TOX3: variants seen among roughly 807,000 people sequenced by gnomAD.
The protein encoded by TOX3 is TOX high mobility group box family member 3.
A neutral mutation model predicts 64.3 loss-of-function variants in TOX3; 22 were observed. The observed-to-expected ratio is 0.34, with a 90% CI of 0.24 to 0.49. TOX3 has a LOEUF of 0.49. TOX3 is among the 20% of genes least tolerant of loss of function. The pLI, the probability that TOX3 is intolerant of heterozygous loss-of-function variation, is 0.99. For missense variants in TOX3, 661 were observed against 714.4 expected (o/e 0.93, Z 0.85); for synonymous variants, 291 against 273.6 (o/e 1.06, Z -0.63).
chr16:52,447,143 T>C (rs565650992), intron 4 of TOX3, among the ~76,000 whole-genome samples: 12 of 152,184 alleles, frequency 7.9e-5, no homozygotes, highest in Non-Finnish European at 1.8e-4. Context: ...AGTTCACTGA[T>C]CATTTAACAT....
Position 52,446,010 on chromosome 16 carries a change from C to T in TOX3, c.890G>A (p.Gly297Glu). The change falls in exon 5 of 7, where the codon GGA becomes GAA. Residue 297 changes from glycine to glutamate, a missense_variant. By Grantham distance (98) the Gly-to-Glu change is moderately conservative. Around this residue, in one of 3 missense-constraint regions of TOX3, gnomAD observed 103 missense variants for 161.2 expected, o/e 0.64. Coordinates refer to ENST00000219746, the MANE Select transcript of TOX3 (RefSeq NM_001080430.4). ...KIVASMWDSL[G>E]EEQKQVYKRK... is the part of the protein sequence containing the mutation. The stretch of plus-strand genomic sequence containing the variant: ...TTGTCTCACCTGCTTTTGTTCTTCT[C>T]CAAGGCTGTCCCACATAGATGCTAC... The T allele has an allele frequency of 1.2e-6, 2 of 1,613,726 alleles. No homozygotes were observed. Among genetic ancestry groups the T allele is most frequent in the Non-Finnish European group, 1.7e-6 (2 of 1,179,682 alleles).
intron 2 of TOX3, 64 bp from the exon 3 acceptor site, chr16:52,464,252 G>A: frequency 7.3e-7 from 1 of 1,368,276 alleles, no homozygotes; most frequent in Non-Finnish European, 9.5e-7. Flanking sequence ...CTCCGGGGAG[G>A]GAAAGAGAAA....
intron 1 of TOX3, among the ~76,000 whole-genome samples, chr16:52,525,730 C>T (rs1267860244): frequency 6.6e-6 from 1 of 152,122 alleles, no homozygotes; most frequent in Non-Finnish European, 1.5e-5. Context: ...CAACATTTTC[C>T]CATATTTTGT....
At position 52,450,307 on chromosome 16, in the gene TOX3, G is replaced by A; in HGVS notation, c.648C>T (p.Ile216=). The A allele has an allele frequency of 6.2e-7, 1 of 1,614,014 alleles. No homozygotes were observed. The highest frequency in any genetic ancestry group is 8.5e-7 in the Non-Finnish European group (1 of 1,179,878). ...TGGCTTCATCAGCATCCTCTTCATTGATGGAGCTGGAAGGGGAGGGAGTGG... is the reference window on the plus strand; with the variant it reads ...TGGCTTCATCAGCATCCTCTTCATTAATGGAGCTGGAAGGGGAGGGAGTGG... ...KSATPSPSSS[I]NEEDADEANR... is the part of the protein sequence containing the mutation. The change falls in exon 4 of 7, where the codon ATC becomes ATT. Residue 216 remains isoleucine (I), a synonymous_variant. Coordinates refer to ENST00000219746, the MANE Select transcript of TOX3 (RefSeq NM_001080430.4).
At chr16:52,530,422 C>T (rs1596863327) in intron 1 of TOX3, among the ~76,000 whole-genome samples, 1 of 151,924 alleles carries the variant, frequency 6.6e-6, no homozygotes. Context: ...CTGCAACCTC[C>T]GCCTCCCAGG....
intron 3 of TOX3, 96 bp downstream of exon 3, chr16:52,463,838 C>T (rs1596793596): frequency 5.7e-6 from 8 of 1,396,046 alleles, no homozygotes; most frequent in East Asian, 2.6e-5. Context: ...CCACTAGGAA[C>T]AGGCAAGAGC....
At chr16:52,519,382 C>T in intron 1 of TOX3, 1 of 1,549,712 alleles carries the variant, frequency 6.5e-7, no homozygotes, top group South Asian at 1.2e-5. Context: ...CCATTAGAAA[C>T]CTCACCAGAA....
chr16:52,480,196 T>C (rs1054971423), intron 1 of TOX3, among the ~76,000 whole-genome samples: 1 of 152,226 alleles, frequency 6.6e-6, no homozygotes, highest in Non-Finnish European at 1.5e-5. Flanking sequence ...GCAGCTTCAA[T>C]GTGGTTAAAG....
At chr16:52,482,526 C>T (rs1288156422) in intron 1 of TOX3, among the ~76,000 whole-genome samples, 2 of 152,084 alleles carry the variant, frequency 1.3e-5, no homozygotes, top group Non-Finnish European at 2.9e-5. Flanking sequence ...CTTAAAACAA[C>T]CACAAAAGAA....
chr16:52,470,292 C>G (rs918522908), intron 1 of TOX3, among the ~76,000 whole-genome samples: 5 of 152,170 alleles, frequency 3.3e-5, no homozygotes, highest in African/African-American at 1.2e-4. Context: ...TTATGAGAAC[C>G]TGGGCTCGAG....
intron 1 of TOX3, among the ~76,000 whole-genome samples, chr16:52,485,291 C>T (rs1471026153): frequency 3.6e-5 from 5 of 140,610 alleles, no homozygotes. Context: ...CCATGGAATA[C>T]TATGGAGTCA....
rs373405112 is a variant in TOX3 at position 52,524,083 on chromosome 16, G to T, written c.87+22554C>A. 2.7e-4 allele frequency among the ~76,000 whole-genome samples: 41 copies of T among 152,300 alleles called. No individual in the cohort carries two copies. In the East Asian group the frequency reaches 7.5e-3, roughly 28 times the overall value. On this transcript the variant is annotated intron_variant, in intron 1 of 6. Transcript: ENST00000219746. ...ATCTTTCTGCATTTACTTAGTGACT[G>T]TCGTCTTTTATGGAGTATAGAGCTG...
At chr16:52,474,284 T>C (rs1961140291) in intron 1 of TOX3, among the ~76,000 whole-genome samples, 1 of 152,168 alleles carries the variant, frequency 6.6e-6, no homozygotes, top group East Asian at 1.9e-4. Flanking sequence ...GCCTGCCTTT[T>C]GGGATCCACC....
chr16:52,444,973 A>G (rs1443151955), intron 5 of TOX3: 1 of 152,230 alleles, frequency 6.6e-6, no homozygotes, highest in African/African-American at 2.4e-5. Context: ...CATATTAAAC[A>G]TGATTTGGGC....
intron 2 of TOX3, among the ~76,000 whole-genome samples, chr16:52,466,479 C>G (rs1960866099): frequency 6.6e-6 from 1 of 152,114 alleles, no homozygotes; most frequent in East Asian, 1.9e-4. Context: ...AGTAAATTTA[C>G]TTTTAATGCA....
At chr16:52,484,027 G>A (rs1315615281) in intron 1 of TOX3, among the ~76,000 whole-genome samples, 1 of 152,070 alleles carries the variant, frequency 6.6e-6, no homozygotes, top group Non-Finnish European at 1.5e-5. Flanking sequence ...TGAGAAATTG[G>A]AATGATGGAA....
intron 1 of TOX3, among the ~76,000 whole-genome samples, chr16:52,472,440 T>A (rs141920827): frequency 1.7e-3 from 252 of 152,346 alleles, no homozygotes; most frequent in African/African-American, 5.7e-3. Context: ...GAATCTTTCT[T>A]AGGAAAGCTA....
intron 3 of TOX3, among the ~76,000 whole-genome samples, chr16:52,456,895 G>A (rs553019637): frequency 2.3e-4 from 35 of 152,272 alleles, no homozygotes; most frequent in African/African-American, 8.4e-4. Flanking sequence ...AGAAAGGTGT[G>A]AAAGACTTAA....
intron 1 of TOX3, among the ~76,000 whole-genome samples, chr16:52,500,376 T>C (rs947847400): frequency 1.3e-5 from 2 of 152,198 alleles, no homozygotes; most frequent in African/African-American, 4.8e-5. Context: ...AAATACCTTG[T>C]TAATTGAGGA....
Sources: gnomAD v4.1 joint callset for allele counts (sites outside exome capture counted in the v4.1 genomes callset) on GRCh38, gnomAD v4.1.1 for gene constraint, gnomAD v4.1.1 regional missense constraint, MANE v1.5 for transcripts, NCBI Gene and HGNC (gene_info 2026-07-23, HGNC 2026-07-21) for gene names.